The following RPTOR variants were observed in gnomAD, a reference collection of about 807,000 sequenced individuals.
RPTOR encodes the protein regulatory-associated protein of mTOR.
A neutral mutation model predicts 169.9 loss-of-function variants in RPTOR; 21 were observed. That is an observed-to-expected ratio of 0.12 (90% CI 0.09 to 0.18). The LOEUF is 0.18. Ranked by LOEUF, RPTOR falls within the 10% of genes least tolerant of loss-of-function variation. The pLI is 1.00. For missense variants in RPTOR, 1,133 were observed against 1,855.9 expected (o/e 0.61, Z 7.16); for synonymous variants, 732 against 753.2 (o/e 0.97, Z 0.46).
chr17:80,698,262 C>T (rs1039765067), intron 3 of RPTOR, among the ~76,000 whole-genome samples: 36 of 152,148 alleles, frequency 2.4e-4, no homozygotes, highest in East Asian at 3.9e-4. Context: ...CCAGTGCGGG[C>T]GCACCAGGCA....
intron 13 of RPTOR, among the ~76,000 whole-genome samples, chr17:80,876,897 G>GCC: frequency 9.8e-6 from 1 of 102,422 alleles, no homozygotes; most frequent in Non-Finnish European, 2.0e-5. Context: ...CCTGTGCCAT[G>GCC]CAGGGTGTGT....
chr17:80,730,758 T>TTTTTGGCGG lies in RPTOR; in HGVS notation c.654+52_654+53insTTTTGGCGG. 1 of 467,242 alleles carries TTTTTGGCGG rather than the reference T, an allele frequency of 2.1e-6. No homozygotes were observed. Among genetic ancestry groups the TTTTTGGCGG allele is most frequent in the Admixed American group, 2.5e-5 (1 of 39,316 alleles). The allele number at this position is 467,242 out of a possible 1,614,324, so 28.9% of individuals were successfully genotyped here. A position where few individuals can be genotyped will look rare whatever the true frequency, so the allele number is the denominator to read the frequency against. ...GTGCTGGGTTTGGTTTTGTTTTCCC[T>TTTTTGGCGG]GGGGGTGGGGTTTGGGTGGGGAGGT... On this transcript the variant is annotated intron_variant, in intron 5 of 33. Coordinates refer to ENST00000306801, the MANE Select transcript of RPTOR (RefSeq NM_020761.3). This position sits in a 1 kb window ranked among gnomAD's most constrained non-coding sequence, Gnocchi z 4.2.
intron 4 of RPTOR, among the ~76,000 whole-genome samples, chr17:80,716,156 G>A (rs1306581427): frequency 6.6e-6 from 1 of 152,170 alleles, no homozygotes; most frequent in African/African-American, 2.4e-5. Flanking sequence ...GTTTTCCATA[G>A]TGGCTGTACC....
At chr17:80,554,742 T>TCAAAA (rs147306840) in intron 1 of RPTOR, among the ~76,000 whole-genome samples, 54,073 of 143,300 alleles carry the variant, frequency 0.38, 11,051 homozygotes, top group South Asian at 0.57. Context: ...AGACTCTGTC[T>TCAAAA]CAAAACAAAA....
intron 1 of RPTOR, among the ~76,000 whole-genome samples, chr17:80,549,817 A>G (rs2084323315): frequency 6.6e-6 from 1 of 152,234 alleles, no homozygotes; most frequent in Non-Finnish European, 1.5e-5. Context: ...ACATGCATGT[A>G]GCACCCCTGG....
intron 9 of RPTOR, among the ~76,000 whole-genome samples, chr17:80,836,178 G>A (rs2067561857): frequency 6.6e-6 from 1 of 152,232 alleles, no homozygotes; most frequent in African/African-American, 2.4e-5. Flanking sequence ...AGGCAGGCAG[G>A]TCAGCCGCTC....
intron 27 of RPTOR, among the ~76,000 whole-genome samples, chr17:80,948,340 G>A (rs1187661688): frequency 6.6e-6 from 1 of 152,244 alleles, no homozygotes; most frequent in East Asian, 1.9e-4. Flanking sequence ...GCCCCCTCAG[G>A]ACCAAGTAGC....
chr17:80,945,327 T>C (rs950420274), intron 25 of RPTOR, among the ~76,000 whole-genome samples: 3 of 149,270 alleles, frequency 2.0e-5, no homozygotes, highest in Non-Finnish European at 4.5e-5. Context: ...GCGCGGTGGC[T>C]CACGCCTGTA....
intron 3 of RPTOR, among the ~76,000 whole-genome samples, chr17:80,706,042 G>A (rs1206104753): frequency 1.3e-5 from 2 of 152,130 alleles, no homozygotes; most frequent in African/African-American, 2.4e-5. Context: ...TCATGGCATT[G>A]GCCTTACTTA....
chr17:80,773,901 C>G, intron 6 of RPTOR: 1 of 985,424 alleles, frequency 1.0e-6, no homozygotes, highest in Non-Finnish European at 1.2e-6. Flanking sequence ...CTGATTCCCT[C>G]CAGACAGCTC....
chr17:80,621,482 G>A (rs967188849), intron 1 of RPTOR, among the ~76,000 whole-genome samples: 9 of 152,298 alleles, frequency 5.9e-5, no homozygotes, highest in South Asian at 2.1e-4. Context: ...GGCCTCTGCC[G>A]CCTCCCCAGC....
chr17:80,841,721 C>G (rs1345040228), intron 10 of RPTOR, among the ~76,000 whole-genome samples: 2 of 143,104 alleles, frequency 1.4e-5, no homozygotes, highest in Non-Finnish European at 3.0e-5. Context: ...GCAGCTCACT[C>G]TCACCACACC....
At chr17:80,956,931 G>A (rs985867361) in intron 28 of RPTOR, among the ~76,000 whole-genome samples, 9 of 152,148 alleles carry the variant, frequency 5.9e-5, no homozygotes, top group Admixed American at 2.0e-4. Context: ...GCTCTGCTCC[G>A]AACAGTGGAC....
rs941213563 is a variant in RPTOR at position 80,552,410 on chromosome 17, G to C, written c.162+6619G>C. 9.9e-5 allele frequency among the ~76,000 whole-genome samples: 15 copies of C among 152,214 alleles called. 2 individuals carry two copies. Among genetic ancestry groups the C allele is most frequent in the Admixed American group, 9.8e-4 (15 of 15,284 alleles). On this transcript the variant is annotated intron_variant, in intron 1 of 33. Transcript: ENST00000306801. The stretch of plus-strand genomic sequence containing the variant: ...AGCATCTAGGTCCCTTCCTCAGAGA[G>C]GCCCACCATCACCCCATCTGAAGCA...
intron 4 of RPTOR, among the ~76,000 whole-genome samples, chr17:80,712,463 C>T (rs117902671): frequency 7.6e-4 from 115 of 152,256 alleles, no homozygotes; most frequent in Non-Finnish European, 1.2e-3. Flanking sequence ...CAGTAATATA[C>T]GCTTAAGACT....
rs888379570 is a variant in RPTOR, at chr17:80,878,442, G to T, written c.1510-1973G>T. On this transcript the variant is annotated intron_variant, in intron 13 of 33. Transcript: ENST00000306801. The surrounding 1 kb of genome is among the most constrained non-coding windows in gnomAD (Gnocchi z 4.1). ...GCTCACTACAGCCTCCGCCTCCCAG[G>T]TTCCAGCGATTCTCCTGCCTCAGCC... Among the ~76,000 whole-genome samples, 2 of 152,076 alleles carry T rather than the reference G, an allele frequency of 1.3e-5. No individual in the cohort carries two copies. The highest frequency in any genetic ancestry group is 4.8e-5 in the African/African-American group (2 of 41,404).
In RPTOR at chr17:80,959,326, G is replaced by A. The variant is rs532807754; in HGVS notation, c.3478-752G>A. 6.6e-6 allele frequency among the ~76,000 whole-genome samples: 1 copy of A among 152,304 alleles called. No individual in the cohort carries two copies. Among genetic ancestry groups the A allele is most frequent in the East Asian group, 1.9e-4 (1 of 5,172 alleles). ...CCTCAGGGTCTGGTCACCAGTGGGGGCTTAGAGGCCCAGGTGGCCTGCGGG... is the reference window on the plus strand; with the variant it reads ...CCTCAGGGTCTGGTCACCAGTGGGGACTTAGAGGCCCAGGTGGCCTGCGGG... On this transcript the variant is annotated intron_variant, in intron 29 of 33. Coordinates refer to ENST00000306801, the MANE Select transcript of RPTOR (RefSeq NM_020761.3). This position sits in a 1 kb window ranked among gnomAD's most constrained non-coding sequence, Gnocchi z 6.7.
intron 2 of RPTOR, among the ~76,000 whole-genome samples, chr17:80,642,791 A>C (rs190107399): frequency 6.6e-6 from 1 of 152,198 alleles, no homozygotes; most frequent in Non-Finnish European, 1.5e-5. Context: ...CTGTTTTCTA[A>C]TGATAGATAT....
At chr17:80,696,459 C>T (rs906632067) in intron 3 of RPTOR, among the ~76,000 whole-genome samples, 2 of 152,128 alleles carry the variant, frequency 1.3e-5, no homozygotes, top group African/African-American at 4.8e-5. Flanking sequence ...TAGTTCAAAG[C>T]GAGCAGCATA....
Sources: allele counts gnomAD v4.1 joint callset (sites outside exome capture counted in the v4.1 genomes callset), GRCh38; gene constraint gnomAD v4.1.1; non-coding constraint Gnocchi (gnomAD v3.1); transcripts MANE v1.5; gene names NCBI Gene and HGNC (gene_info 2026-07-23, HGNC 2026-07-21).